Variants in DOK1 observed in about 807,000 individuals in gnomAD.
DOK1 encodes the protein docking protein 1, also known as Downstream of tyrosine kinase 1.
A neutral mutation model predicts 24.0 loss-of-function variants in DOK1; 12 were observed. That is an observed-to-expected ratio of 0.50 (90% CI 0.32 to 0.81). The LOEUF (loss-of-function observed/expected upper bound fraction) is 0.81, where lower values mean the gene tolerates loss of function less well. DOK1 is among the 30% of genes least tolerant of loss of function. The probability of loss-of-function intolerance (pLI) is 0.03; values close to 1 mark genes in which losing one functional copy is unlikely to be tolerated. For synonymous variants in DOK1, 250 were observed against 260.9 expected (o/e 0.96, Z 0.40); for missense variants, 591 against 620.7 (o/e 0.95, Z 0.51).
chr2:74,551,949 C>T (rs1445642234), upstream of DOK1, among the ~76,000 whole-genome samples: 1 of 152,270 alleles, frequency 6.6e-6, no homozygotes, highest in Non-Finnish European at 1.5e-5. Context: ...GACTTTGGGA[C>T]ATCCAGATAT....
At position 74,555,140 on chromosome 2, in the gene DOK1, C is replaced by G; in HGVS notation, c.61-14C>G. ...CACGCCACTCCCTCTCGAGCACTCT[C>G]TCTCTCTCCCTAGAGGTGGAGGAAG... On this transcript the variant is annotated splice_polypyrimidine_tract_variant and intron_variant, in intron 1 of 4. Coordinates refer to ENST00000233668, the MANE Select transcript of DOK1 (RefSeq NM_001381.5). This position sits in a 1 kb window ranked among gnomAD's most constrained non-coding sequence, Gnocchi z 6.1. 6.2e-7 allele frequency: 1 copy of G among 1,603,920 alleles called. No individual in the cohort carries two copies. The highest frequency in any genetic ancestry group is 1.3e-5 in the African/African-American group (1 of 74,856).
In DOK1 at chr2:74,555,702, T is replaced by G. The variant is rs550236237; in HGVS notation, c.454+34T>G. 1.2e-5 allele frequency: 20 copies of G among 1,611,888 alleles called. No homozygotes were observed. The South Asian group carries it at 2.2e-4, about 18-fold the overall frequency. On this transcript the variant is annotated intron_variant, in intron 3 of 4. Transcript: ENST00000233668. This position sits in a 1 kb window ranked among gnomAD's most constrained non-coding sequence, Gnocchi z 6.1. ...CTCAGAAGCCCGGGCAGGGATGGAG[T>G]GAAGAGGAGGAGGGCCGAGGGCCTT...
rs374772932 is a variant in DOK1 at position 74,555,318 on chromosome 2, C to G, written c.225C>G (p.Pro75=). ...TGGCTGAGTGTGTGAGTGTGGCCCC[C>G]GTCACCGTGGAGACCCCCCCTGAGC... ...IRLAECVSVA[P]VTVETPPEPG... The change falls in exon 2 of 5, where the codon CCC becomes CCG. Residue 75 remains proline, a synonymous_variant. Coordinates refer to ENST00000233668, the MANE Select transcript of DOK1 (RefSeq NM_001381.5). This position sits in a 1 kb window ranked among gnomAD's most constrained non-coding sequence, Gnocchi z 6.1. 20 of 1,613,966 alleles carry G rather than the reference C, an allele frequency of 1.2e-5. No homozygotes were observed. The highest frequency in any genetic ancestry group is 1.6e-4 in the Middle Eastern group (1 of 6,084).
At chr2:74,554,687 C>G, upstream of DOK1, 1 of 1,545,648 alleles carries the variant, frequency 6.5e-7, no homozygotes, top group East Asian at 2.3e-5. The surrounding 1 kb of genome is among the most constrained non-coding windows in gnomAD (Gnocchi z 4.9). Context: ...CTCCAGGGAA[C>G]CCGGCCCCGC....
At position 74,556,814 on chromosome 2, in the gene DOK1, G is replaced by A; in HGVS notation, c.1146G>A (p.Glu382=). 6.2e-7 allele frequency: 1 copy of A among 1,614,168 alleles called. No homozygotes were observed. The highest frequency in any genetic ancestry group is 8.5e-7 in the Non-Finnish European group (1 of 1,180,028). Residue 382 remains glutamate (E), a synonymous_variant, in exon 5 of 5, where the codon GAG becomes GAA. Transcript: ENST00000233668. The surrounding 1 kb of genome is among the most constrained non-coding windows in gnomAD (Gnocchi z 4.1). ...AGGGCCTTTATGATCTGCCTCGGGA[G>A]CCCAAGGATGCATGGTGGTGCCAAG... is the stretch of plus-strand genomic sequence containing the variant. ...PPQGLYDLPR[E]PKDAWWCQAR...
chr2:74,554,844 T>C lies in DOK1; in HGVS notation c.60+30T>C. On this transcript the variant is annotated intron_variant, in intron 1 of 4. Transcript: ENST00000233668. This position sits in a 1 kb window ranked among gnomAD's most constrained non-coding sequence, Gnocchi z 4.9. ...TCTGGCGCATGGATGCCGAACCTTA[T>C]CCGGGCTAGTAGTGGGTGAGAGAGC... The C allele has an allele frequency of 2.5e-6, 4 of 1,613,010 alleles. No homozygotes were observed. Among genetic ancestry groups the C allele is most frequent in the Non-Finnish European group, 1.7e-6 (2 of 1,179,532 alleles).
chr2:74,554,636 C>G (rs969657284), upstream of DOK1: 351 of 963,002 alleles, frequency 3.6e-4, no homozygotes, highest in Non-Finnish European at 5.1e-4. This position sits in a 1 kb window ranked among gnomAD's most constrained non-coding sequence, Gnocchi z 4.9. Context: ...CCGCGACCCC[C>G]CCAGCGGCTG....
chr2:74,552,411 G>A (rs374759905), upstream of DOK1: 18 of 1,613,674 alleles, frequency 1.1e-5, no homozygotes, highest in African/African-American at 4.0e-5. Context: ...AGCCTGCAGC[G>A]TGAAGTCATC....
Position 74,556,878 on chromosome 2 carries a change from C to A in DOK1, c.1210C>A (p.Pro404Thr). The A allele has an allele frequency of 6.2e-7, 1 of 1,614,144 alleles. No individual in the cohort carries two copies. Among genetic ancestry groups the A allele is most frequent in the Non-Finnish European group, 8.5e-7 (1 of 1,180,028 alleles). Reference sequence around the variant, plus strand: ...GGAGGGCTATGAGCTCCCCTACAACCCTGCCACTGATGACTACGCTGTGCC... The same window carrying A: ...GGAGGGCTATGAGCTCCCCTACAACACTGCCACTGATGACTACGCTGTGCC... The part of the protein sequence containing the change: ...KEEGYELPYN[P>T]ATDDYAVPPP... Residue 404 changes from proline (P) to threonine (T), a missense_variant, in exon 5 of 5, where the codon CCT (proline) becomes ACT (threonine). Transcript: ENST00000233668. The surrounding 1 kb of genome is among the most constrained non-coding windows in gnomAD (Gnocchi z 4.1).
chr2:74,556,633 C>A lies in DOK1; in HGVS notation c.965C>A (p.Thr322Lys). 1.9e-6 allele frequency: 3 copies of A among 1,614,246 alleles called. No individual in the cohort carries two copies. The highest frequency in any genetic ancestry group is 2.5e-6 in the Non-Finnish European group (3 of 1,180,046). The change falls in exon 5 of 5, where the codon ACG (threonine) becomes AAG (lysine). Residue 322 changes from threonine (T) to lysine (K), a missense_variant. Physicochemically the swap from Thr to Lys is moderately conservative, Grantham distance 78. Transcript: ENST00000233668. This position sits in a 1 kb window ranked among gnomAD's most constrained non-coding sequence, Gnocchi z 4.1. ...CTATACTCAGACCCCTTGGACAGCA[C>A]GTCTGCTCAGGCAGGAGAGGGAGTA... ...DSLYSDPLDS[T>K]SAQAGEGVQR...
chr2:74,553,726 ACT>A (rs1488274560), upstream of DOK1: 1 of 151,998 alleles, frequency 6.6e-6, no homozygotes, highest in East Asian at 1.9e-4. Flanking sequence ...TCCTCCGTGT[ACT>A]CTGTCTCACT....
upstream of DOK1, chr2:74,554,636 C>A (rs969657284): frequency 4.2e-6 from 4 of 963,008 alleles, no homozygotes; most frequent in Non-Finnish European, 6.2e-6. The surrounding 1 kb of genome is among the most constrained non-coding windows in gnomAD (Gnocchi z 4.9). Context: ...CCGCGACCCC[C>A]CCAGCGGCTG....
Position 74,549,156 on chromosome 2 carries a change from G to T in DOK1, c.-374G>T. The T allele has an allele frequency of 2.2e-6, 1 of 453,236 alleles. No individual in the cohort carries two copies. The highest frequency in any genetic ancestry group is 3.7e-6 in the Non-Finnish European group (1 of 268,440). The allele number at this position is 453,236 out of a possible 1,614,324, so 28.1% of individuals were successfully genotyped here. On this transcript the variant is annotated 5_prime_UTR_variant, in exon 1 of 5. Transcript: ENST00000409429. The surrounding 1 kb of genome is among the most constrained non-coding windows in gnomAD (Gnocchi z 5.3). The stretch of plus-strand genomic sequence containing the variant: ...TCGGCCACGAGAGAGCGGGAGCCTC[G>T]CTGGTCCCCATTTCAGGTACTCCCT...
upstream of DOK1, chr2:74,550,123 C>G: frequency 6.5e-7 from 1 of 1,539,010 alleles, no homozygotes. Flanking sequence ...CTCCGCTAAC[C>G]ACCCCACAGT....
At position 74,555,718 on chromosome 2, in the gene DOK1, C is replaced by T; in HGVS notation, c.454+50C>T. The T allele has an allele frequency of 1.9e-6, 3 of 1,611,122 alleles. No individual in the cohort carries two copies. Among genetic ancestry groups the T allele is most frequent in the Non-Finnish European group, 2.5e-6 (3 of 1,178,986 alleles). ...GGGATGGAGTGAAGAGGAGGAGGGC[C>T]GAGGGCCTTTGGGAAGTGGGTGGAT... On this transcript the variant is annotated intron_variant, in intron 3 of 4. Transcript: ENST00000233668. The surrounding 1 kb of genome is among the most constrained non-coding windows in gnomAD (Gnocchi z 6.1).
upstream of DOK1, chr2:74,549,738 C>T: frequency 6.9e-7 from 1 of 1,441,442 alleles, no homozygotes; most frequent in Non-Finnish European, 9.1e-7. The surrounding 1 kb of genome is among the most constrained non-coding windows in gnomAD (Gnocchi z 5.3). Flanking sequence ...GGCCGCAGTC[C>T]GCGGTGTGGA....
chr2:74,554,352 A>C, upstream of DOK1: 5 of 190,776 alleles, frequency 2.6e-5, no homozygotes, highest in Non-Finnish European at 4.3e-5. The surrounding 1 kb of genome is among the most constrained non-coding windows in gnomAD (Gnocchi z 4.9). Flanking sequence ...GGGCCCGGCC[A>C]GGGTAAATAA....
rs372789249 is a variant in DOK1 at position 74,557,111 on chromosome 2, C to T, written c.1443C>T (p.Thr481=). 3.0e-4 allele frequency: 474 copies of T among 1,602,306 alleles called. 7 individuals are homozygous for T. The South Asian group carries it at 4.9e-3, about 16-fold the overall frequency. The change falls in exon 5 of 5, where the codon ACC becomes ACT. Residue 481 remains threonine, a synonymous_variant. Transcript: ENST00000233668. ...CTGGGGTCAAGTCAGAGGGCTCTACCTGAGAAGGACGGCAAGGCTGAGGTG... is the reference window on the plus strand; with the variant it reads ...CTGGGGTCAAGTCAGAGGGCTCTACTTGAGAAGGACGGCAAGGCTGAGGTG... The part of the protein sequence containing the change: ...DKTGVKSEGS[T]
rs1224277273 is a variant in DOK1 at position 74,555,862 on chromosome 2, C to A, written c.455-32C>A. 2 of 1,588,910 alleles carry A rather than the reference C, an allele frequency of 1.3e-6. No homozygotes were observed. Among genetic ancestry groups the A allele is most frequent in the East Asian group, 2.2e-5 (1 of 44,646 alleles). ...TCCCCACTGCTGCCCCCGTCCCTCC[C>A]CCGCAGCTGTCTAATCGTGTATGCC... On this transcript the variant is annotated intron_variant, in intron 3 of 4. Coordinates refer to ENST00000233668, the MANE Select transcript of DOK1 (RefSeq NM_001381.5). This position sits in a 1 kb window ranked among gnomAD's most constrained non-coding sequence, Gnocchi z 6.1.
Sources: gnomAD v4.1 joint callset for allele counts (sites outside exome capture counted in the v4.1 genomes callset) on GRCh38, gnomAD v4.1.1 for gene constraint, Gnocchi (gnomAD v3.1) non-coding constraint, MANE v1.5 for transcripts, NCBI Gene and HGNC (gene_info 2026-07-23, HGNC 2026-07-21) for gene names.